EPN2: variants seen among roughly 807,000 people sequenced by gnomAD.
EPN2 encodes epsin-2.
A neutral mutation model predicts 61.7 loss-of-function variants in EPN2; 34 were observed. That is an observed-to-expected ratio of 0.55 (90% confidence interval 0.42 to 0.73). The LOEUF is 0.73. Among genes scored for constraint, EPN2 ranks in the 30% least tolerant of loss-of-function variants. The probability of loss-of-function intolerance (pLI) is 0.00; values close to 1 mark genes in which losing one functional copy is unlikely to be tolerated. For missense variants in EPN2, 714 were observed against 839.2 expected (o/e 0.85, Z 1.84); for synonymous variants, 349 against 353.6 (o/e 0.99, Z 0.15).
intron 4 of EPN2, chr17:19,308,611 G>T: frequency 1.0e-6 from 1 of 985,402 alleles, no homozygotes; most frequent in Non-Finnish European, 1.2e-6. Context: ...AAAAGAGGAG[G>T]TGGGTGCGCT....
intron 1 of EPN2, among the ~76,000 whole-genome samples, chr17:19,255,335 A>G (rs866786399): frequency 6.6e-6 from 1 of 151,898 alleles, no homozygotes; most frequent in African/African-American, 2.4e-5. Flanking sequence ...CAGAGCCATC[A>G]TTTCCTAGCT....
rs772230550 is a variant in EPN2, at chr17:19,289,724, G to GTTTTGTTTTTTTTTTTTTTT, written c.766+3938_766+3939insGTTTTTTTTTTTTTTTTTTT. ...TGTTCGGCCTCACCTGGCGCTCATG[G>GTTTTGTTTTTTTTTTTTTTT]TTTTTTTTTTTTTTTTTTTTGAGAT... On this transcript the variant is annotated intron_variant, in intron 4 of 10. Transcript: ENST00000314728. Among the ~76,000 whole-genome samples the GTTTTGTTTTTTTTTTTTTTT allele has an allele frequency of 6.0e-4, 47 of 78,048 alleles. 1 individual carries two copies. Among genetic ancestry groups the GTTTTGTTTTTTTTTTTTTTT allele is most frequent in the East Asian group, 3.5e-3 (6 of 1,734 alleles). 51.2% of individuals were successfully genotyped at this position (78,048 alleles called of 152,430 possible).
chr17:19,274,092 A>G (rs974275575), intron 1 of EPN2: 1 of 152,284 alleles, frequency 6.6e-6, no homozygotes, highest in Non-Finnish European at 1.5e-5. Context: ...GCACCTCAGG[A>G]AAGATAAAGC....
intron 4 of EPN2, among the ~76,000 whole-genome samples, chr17:19,300,846 C>T (rs1905469515): frequency 6.6e-6 from 1 of 152,164 alleles, no homozygotes; most frequent in Non-Finnish European, 1.5e-5. Context: ...CCCTGTGCGC[C>T]AAGGCCAGCT....
intron 1 of EPN2, among the ~76,000 whole-genome samples, chr17:19,249,960 A>C: frequency 6.7e-6 from 1 of 149,508 alleles, no homozygotes; most frequent in Non-Finnish European, 1.5e-5. Flanking sequence ...GCGGTTTTCC[A>C]CTCTTTCCCA....
At chr17:19,280,753 A>G (rs2045351786) in intron 1 of EPN2, among the ~76,000 whole-genome samples, 2 of 152,236 alleles carry the variant, frequency 1.3e-5, no homozygotes, top group Admixed American at 1.3e-4. Flanking sequence ...TCAGTTTTGC[A>G]GGACACCAGC....
intron 7 of EPN2, among the ~76,000 whole-genome samples, chr17:19,318,287 C>T (rs146489575): frequency 5.3e-5 from 8 of 150,902 alleles, no homozygotes; most frequent in African/African-American, 1.5e-4. Flanking sequence ...TGGTGGCTGA[C>T]GCCTGTAATC....
chr17:19,264,915 G>A (rs1015455756), intron 1 of EPN2, among the ~76,000 whole-genome samples: 1 of 152,008 alleles, frequency 6.6e-6, no homozygotes, highest in Non-Finnish European at 1.5e-5. Flanking sequence ...AGGGAAAGCC[G>A]GAAGCCCAGG....
Position 19,335,473 on chromosome 17 carries a change from G to A in EPN2, c.*1219G>A, listed in dbSNP as rs1907367040. The A allele has an allele frequency of 7.7e-6, 12 of 1,549,518 alleles. No homozygotes were observed. Among genetic ancestry groups the A allele is most frequent in the Non-Finnish European group, 9.6e-6 (11 of 1,146,360 alleles). ...AAATGGAAGAAACATCTTTAACCTT[G>A]TGTGTCTGTGATCTCCTCTGTCTTA... On this transcript the variant is annotated 3_prime_UTR_variant, in exon 11 of 11. Coordinates refer to ENST00000314728, the MANE Select transcript of EPN2 (RefSeq NM_014964.5).
chr17:19,302,991 T>C (rs986086291), intron 4 of EPN2, among the ~76,000 whole-genome samples: 2 of 152,056 alleles, frequency 1.3e-5, no homozygotes, highest in African/African-American at 2.4e-5. Flanking sequence ...TCTGGGCGAG[T>C]GTCAGAGACG....
At chr17:19,238,058 A>C (rs998884758) in intron 1 of EPN2, among the ~76,000 whole-genome samples, 2 of 151,132 alleles carry the variant, frequency 1.3e-5, no homozygotes, top group African/African-American at 2.4e-5. Flanking sequence ...CGCCCGTCTC[A>C]CCTTTCCTGG....
Position 19,321,108 on chromosome 17 carries a change from C to T in EPN2, c.1148-7603C>T, listed in dbSNP as rs144854621. On this transcript the variant is annotated intron_variant, in intron 7 of 10. Transcript: ENST00000314728. Reference sequence around the variant, plus strand: ...TGAGCTGGGTTTAGAGTGGGAACTGCATGGCGGGCTGGCATAGAGGCTGCA... The same window carrying T: ...TGAGCTGGGTTTAGAGTGGGAACTGTATGGCGGGCTGGCATAGAGGCTGCA... Among the ~76,000 whole-genome samples the T allele has an allele frequency of 7.2e-5, 11 of 152,332 alleles. No homozygotes were observed. In the East Asian group the frequency reaches 2.1e-3, roughly 29 times the overall value.
In EPN2 at chr17:19,327,449, A is replaced by AT. The variant is rs541357126; in HGVS notation, c.1148-1260dup. ...CACTTTGGGAGACTGAGGCAGGAGGATTGCTTGAGCCCAGGAGTTTGAGAC... is the reference window on the plus strand; with the variant it reads ...CACTTTGGGAGACTGAGGCAGGAGGATTTGCTTGAGCCCAGGAGTTTGAGAC... On this transcript the variant is annotated intron_variant, in intron 7 of 10. Transcript: ENST00000314728. Among the ~76,000 whole-genome samples, 214 of 152,218 alleles carry AT rather than the reference A, an allele frequency of 1.4e-3. 1 individual carries two copies. The highest frequency in any genetic ancestry group is 5.0e-3 in the African/African-American group (206 of 41,518).
chr17:19,314,037 G>C (rs908965496), intron 7 of EPN2, among the ~76,000 whole-genome samples: 3 of 152,148 alleles, frequency 2.0e-5, no homozygotes, highest in Admixed American at 2.0e-4. Flanking sequence ...GTGGCATCTT[G>C]CCTGTATCTC....
At position 19,260,309 on chromosome 17, in the gene EPN2, G is replaced by A. The variant is rs372126899; in HGVS notation, c.-293-21646G>A. Reference sequence around the variant, plus strand: ...CCAGGAGGAAGGAAACCCAGACTGAGTGGATAGCAGGCTGGATGGGGGCAT... The same window carrying A: ...CCAGGAGGAAGGAAACCCAGACTGAATGGATAGCAGGCTGGATGGGGGCAT... On this transcript the variant is annotated intron_variant, in intron 1 of 10. Transcript: ENST00000314728. 3.3e-5 allele frequency among the ~76,000 whole-genome samples: 5 copies of A among 152,388 alleles called. No individual in the cohort carries two copies. The East Asian group carries it at 9.6e-4, about 29-fold the overall frequency.
rs75073631 is a variant in EPN2, at chr17:19,295,373, T to TGC, written c.766+9588_766+9589dup. ...ACACACACACACACACACACGCGCG[T>TGC]GCGCGCAAAATAGCCAGGTGTAGTG... On this transcript the variant is annotated intron_variant, in intron 4 of 10. Transcript: ENST00000314728. Among the ~76,000 whole-genome samples the TGC allele has an allele frequency of 4.9e-5, 7 of 144,218 alleles. 1 individual carries two copies. Among genetic ancestry groups the TGC allele is most frequent in the African/African-American group, 1.4e-4 (5 of 35,070 alleles). 94.6% of individuals were successfully genotyped at this position (144,218 alleles called of 152,430 possible).
At chr17:19,290,640 C>T (rs756523492) in intron 4 of EPN2, among the ~76,000 whole-genome samples, 4 of 120,778 alleles carry the variant, frequency 3.3e-5, no homozygotes, top group South Asian at 5.0e-4. Flanking sequence ...GAGCAAGTCC[C>T]GAGTTGCCTG....
In EPN2 at chr17:19,287,755, A is replaced by G. The variant is rs543533745; in HGVS notation, c.766+1965A>G. On this transcript the variant is annotated intron_variant, in intron 4 of 10. Transcript: ENST00000314728. The stretch of plus-strand genomic sequence containing the variant: ...CAGAGGCAGAGGAGGCAGACTGCTC[A>G]GAAGCCCTCTTCACATGAGAGCAGC... Among the ~76,000 whole-genome samples, 13 of 152,310 alleles carry G rather than the reference A, an allele frequency of 8.5e-5. No homozygotes were observed. The South Asian group carries it at 2.7e-3, about 32-fold the overall frequency.
chr17:19,308,579 C>T (rs936941715), intron 4 of EPN2: 122 of 985,164 alleles, frequency 1.2e-4, no homozygotes, highest in Middle Eastern at 5.2e-4. Flanking sequence ...GGACCAGGTC[C>T]GGGAAGCCGA....
Sources: gnomAD v4.1 joint callset for allele counts (sites outside exome capture counted in the v4.1 genomes callset) on GRCh38, gnomAD v4.1.1 for gene constraint, MANE v1.5 for transcripts, NCBI Gene and HGNC (gene_info 2026-07-23, HGNC 2026-07-21) for gene names.